PTPRG: variants seen among roughly 807,000 people sequenced by gnomAD.
PTPRG encodes the protein protein tyrosine phosphatase receptor type G.
In PTPRG, 102 loss-of-function variants were observed where a neutral mutation model predicts 165.3. The observed-to-expected ratio is 0.62, with a 90% CI of 0.53 to 0.73. PTPRG has a LOEUF of 0.73. Ranked by LOEUF, PTPRG falls within the 30% of genes least tolerant of loss-of-function variation. The probability of loss-of-function intolerance (pLI) is 0.00; values close to 1 mark genes in which losing one functional copy is unlikely to be tolerated. For missense variants in PTPRG, 1,866 were observed against 1,861.4 expected, an observed-to-expected ratio of 1.00 and a Z score of -0.05; for synonymous variants, 675 against 669.5, an observed-to-expected ratio of 1.01 and a Z score of -0.13.
intron 4 of PTPRG, among the ~76,000 whole-genome samples, chr3:62,028,476 T>C (rs1699647948): frequency 1.3e-5 from 2 of 152,214 alleles, no homozygotes; most frequent in Admixed American, 1.3e-4. Flanking sequence ...GTTTAGTTCA[T>C]AAGAGGAATA....
intron 12 of PTPRG, 48 bp from the exon 13 acceptor site, chr3:62,218,803 C>T: frequency 6.3e-7 from 1 of 1,575,384 alleles, no homozygotes; most frequent in East Asian, 2.3e-5. Context: ...TTCTGGCTCC[C>T]ACCTCCACTA....
chr3:62,281,590 A>C lies in PTPRG; in HGVS notation c.3793A>C (p.Ser1265Arg). 1 of 1,456,156 alleles carries C rather than the reference A, an allele frequency of 6.9e-7. No individual in the cohort carries two copies. The highest frequency in any genetic ancestry group is 1.1e-5 in the South Asian group (1 of 87,274). The allele number at this position is 1,456,156 out of a possible 1,614,324, so 90.2% of individuals were successfully genotyped here. The change falls in exon 27 of 30, where the codon AGT becomes CGT. Residue 1265 changes from serine to arginine, a missense_variant. By Grantham distance (110) the Ser-to-Arg change is moderately radical (BLOSUM62 -1). This residue lies in a region of PTPRG where 1,452 missense variants were observed against 1,463.0 expected (regional missense o/e 0.99). Coordinates refer to ENST00000474889, the MANE Select transcript of PTPRG (RefSeq NM_002841.4). ...LAEDEFVYWP[S>R]REESMNCEAF... ...AGAAGATGAGTTTGTGTACTGGCCA[A>C]GTCGAGAAGAATCCATGAACTGTGA...
chr3:61,746,739 G>A (rs1337521136), intron 1 of PTPRG, among the ~76,000 whole-genome samples: 1 of 152,184 alleles, frequency 6.6e-6, no homozygotes, highest in Non-Finnish European at 1.5e-5. Context: ...CACTCCTAGA[G>A]CTAACATTGG....
chr3:62,088,044 G>T (rs1701807372), intron 5 of PTPRG, among the ~76,000 whole-genome samples: 1 of 152,218 alleles, frequency 6.6e-6, no homozygotes, highest in African/African-American at 2.4e-5. Context: ...ATGGGGTAAA[G>T]ATTTGAACTT....
intron 1 of PTPRG, among the ~76,000 whole-genome samples, chr3:61,627,238 G>A (rs571410960): frequency 1.3e-5 from 2 of 152,246 alleles, no homozygotes; most frequent in South Asian, 4.2e-4. Flanking sequence ...TTTAGTGACA[G>A]ATGCTGCATT....
intron 2 of PTPRG, among the ~76,000 whole-genome samples, chr3:61,844,028 A>G (rs1299137567): frequency 1.3e-5 from 2 of 149,810 alleles, no homozygotes; most frequent in Non-Finnish European, 2.9e-5. Flanking sequence ...CAGTGGCACA[A>G]TCTCGTCTCA....
chr3:62,048,491 G>T (rs1479491935), intron 4 of PTPRG, among the ~76,000 whole-genome samples: 1 of 152,226 alleles, frequency 6.6e-6, no homozygotes, highest in Non-Finnish European at 1.5e-5. Flanking sequence ...GTGGAAAACT[G>T]CAATCGCTAT....
Position 62,240,321 on chromosome 3 carries a change from C to T in PTPRG, c.2376-3486C>T, listed in dbSNP as rs1185627640. Among the ~76,000 whole-genome samples, 1 of 151,864 alleles carries T rather than the reference C, an allele frequency of 6.6e-6. No homozygotes were observed. The highest frequency in any genetic ancestry group is 2.4e-5 in the African/African-American group (1 of 41,308). The stretch of plus-strand genomic sequence containing the variant: ...CTGCACTCCAGCCTGGATGACAGAG[C>T]GAGACTCCATCTCAAAATAAAATAA... On this transcript the variant is annotated intron_variant, in intron 14 of 29. Coordinates refer to ENST00000474889, the MANE Select transcript of PTPRG (RefSeq NM_002841.4). The surrounding 1 kb of genome is among the most constrained non-coding windows in gnomAD (Gnocchi z 5.1).
chr3:61,989,467 T>C (rs940995929), intron 2 of PTPRG, among the ~76,000 whole-genome samples, 158 bp from the exon 3 acceptor site: 5 of 152,224 alleles, frequency 3.3e-5, no homozygotes, highest in African/African-American at 1.2e-4. Flanking sequence ...AATCTTCTTG[T>C]CACATCAGGC....
chr3:62,096,730 T>G (rs1285351453), intron 5 of PTPRG, among the ~76,000 whole-genome samples: 1 of 152,234 alleles, frequency 6.6e-6, no homozygotes, highest in Admixed American at 6.5e-5. Context: ...AGTCAGCATT[T>G]ATATAGTATC....
Position 62,079,444 on chromosome 3 carries a change from G to A in PTPRG, c.615+1186G>A, listed in dbSNP as rs140463486. ...TGATCAGCATTTTAAAAACAGTGACGTAAAATAATATAGAATAGGAAATAA... is the reference window on the plus strand; with the variant it reads ...TGATCAGCATTTTAAAAACAGTGACATAAAATAATATAGAATAGGAAATAA... On this transcript the variant is annotated intron_variant, in intron 5 of 29. Transcript: ENST00000474889. 5.8e-3 allele frequency among the ~76,000 whole-genome samples: 886 copies of A among 152,232 alleles called. 10 individuals are homozygous for A. Among genetic ancestry groups the A allele is most frequent in the African/African-American group, 0.019 (806 of 41,534 alleles).
At chr3:61,656,601 G>A (rs947352452) in intron 1 of PTPRG, among the ~76,000 whole-genome samples, 7 of 152,244 alleles carry the variant, frequency 4.6e-5, no homozygotes, top group Admixed American at 1.3e-4. Flanking sequence ...TTCTCCAAGC[G>A]TATTCTTGGT....
intron 6 of PTPRG, among the ~76,000 whole-genome samples, chr3:62,138,434 G>A (rs1208518711): frequency 6.6e-6 from 1 of 152,154 alleles, no homozygotes; most frequent in Non-Finnish European, 1.5e-5. Context: ...AGAAATGTGT[G>A]TGGGCCGGGT....
At chr3:61,771,835 G>T (rs2034214139) in intron 2 of PTPRG, among the ~76,000 whole-genome samples, 1 of 151,892 alleles carries the variant, frequency 6.6e-6, no homozygotes, top group Non-Finnish European at 1.5e-5. Flanking sequence ...CTGAGGTGGC[G>T]GGTCACCTGA....
chr3:61,903,020 T>G (rs1255308087), intron 2 of PTPRG, among the ~76,000 whole-genome samples: 1 of 152,166 alleles, frequency 6.6e-6, no homozygotes, highest in Non-Finnish European at 1.5e-5. Context: ...TAGGCACATG[T>G]AAGACCTGCC....
chr3:62,156,201 C>A (rs1219827256), intron 6 of PTPRG, among the ~76,000 whole-genome samples: 1 of 152,178 alleles, frequency 6.6e-6, no homozygotes, highest in Non-Finnish European at 1.5e-5. Context: ...TGTTTGCCCC[C>A]ACCCTTGCAT....
Position 62,282,863 on chromosome 3 carries a change from A to G in PTPRG, c.4049A>G (p.His1350Arg). 1 of 1,606,654 alleles carries G rather than the reference A, an allele frequency of 6.2e-7. No homozygotes were observed. The highest frequency in any genetic ancestry group is 8.5e-7 in the Non-Finnish European group (1 of 1,175,794). Residue 1350 changes from histidine (H) to arginine (R), a missense_variant, in exon 28 of 30, where the codon CAT (histidine) becomes CGT (arginine). Coordinates refer to ENST00000474889, the MANE Select transcript of PTPRG (RefSeq NM_002841.4). ...ALTRDGPTIV[H>R]DEYGAVSAGM... is the part of the protein sequence containing the mutation. ...ACAAGGGATGGTCCCACCATTGTTC[A>G]TGATGAGTATGTATCTGTTTCTTAA...
intron 4 of PTPRG, among the ~76,000 whole-genome samples, chr3:62,062,482 T>G (rs1242951674): frequency 6.6e-6 from 1 of 152,154 alleles, no homozygotes; most frequent in Non-Finnish European, 1.5e-5. Flanking sequence ...GGGGAAAGCA[T>G]ATGAAACAAT....
intron 2 of PTPRG, chr3:61,769,339 AGTC>A (rs761723622): frequency 5.3e-5 from 8 of 152,060 alleles, no homozygotes; most frequent in Non-Finnish European, 8.8e-5. Context: ...ACTTTGGCCC[AGTC>A]ATAGCCCACT....
Sources: allele counts gnomAD v4.1 joint callset (sites outside exome capture counted in the v4.1 genomes callset), GRCh38; gene constraint gnomAD v4.1.1; regional missense constraint gnomAD v4.1.1; non-coding constraint Gnocchi (gnomAD v3.1); transcripts MANE v1.5; gene names NCBI Gene and HGNC (gene_info 2026-07-23, HGNC 2026-07-21).